The following GALNTL6 variants were observed in gnomAD, a reference collection of about 807,000 sequenced individuals.
GALNTL6 encodes the protein polypeptide N-acetylgalactosaminyltransferase-like 6.
Under a neutral mutation model 73.7 loss-of-function variants are expected in GALNTL6, and 46 were observed. The observed-to-expected ratio is 0.62, with a 90% confidence interval of 0.49 to 0.80. The LOEUF is 0.80. GALNTL6 is among the 30% of genes least tolerant of loss of function. The pLI, the probability that GALNTL6 is intolerant of heterozygous loss-of-function variation, is 0.00. For synonymous variants in GALNTL6, 259 were observed against 263.7 expected (o/e 0.98, Z 0.17); for missense variants, 604 against 755.0 (o/e 0.80, Z 2.34).
At chr4:172,681,767 G>C (rs1315435357) in intron 5 of GALNTL6, among the ~76,000 whole-genome samples, 1 of 152,112 alleles carries the variant, frequency 6.6e-6, no homozygotes, top group Non-Finnish European at 1.5e-5. Flanking sequence ...AGATTTGTAT[G>C]ACAGTCCCAG....
At chr4:172,113,782 A>G (rs951366440) in intron 2 of GALNTL6, among the ~76,000 whole-genome samples, 1 of 152,016 alleles carries the variant, frequency 6.6e-6, no homozygotes, top group Non-Finnish European at 1.5e-5. Flanking sequence ...GGAGTCCTCT[A>G]TTTTCTGAAG....
chr4:172,035,615 T>C (rs532170960), intron 2 of GALNTL6, among the ~76,000 whole-genome samples: 5 of 152,268 alleles, frequency 3.3e-5, no homozygotes, highest in South Asian at 4.1e-4. Flanking sequence ...ATACAGTTGA[T>C]TGAAAATACA....
chr4:172,627,790 A>T (rs1739224880), intron 5 of GALNTL6, among the ~76,000 whole-genome samples: 1 of 151,964 alleles, frequency 6.6e-6, no homozygotes, highest in South Asian at 2.1e-4. Context: ...TCATGTGCAT[A>T]CAGGAGTTCT....
chr4:171,841,637 G>T (rs1735241503), intron 2 of GALNTL6, among the ~76,000 whole-genome samples: 1 of 151,870 alleles, frequency 6.6e-6, no homozygotes, highest in Non-Finnish European at 1.5e-5. Context: ...TCCTTTAGGA[G>T]GAAATAGAAA....
At chr4:172,088,721 T>C (rs535058109) in intron 2 of GALNTL6, among the ~76,000 whole-genome samples, 215 of 152,296 alleles carry the variant, frequency 1.4e-3, no homozygotes, top group African/African-American at 4.6e-3. Flanking sequence ...GGCAACTCTG[T>C]TTCTCTTTAG....
chr4:172,484,841 C>T (rs1188545937), intron 5 of GALNTL6, among the ~76,000 whole-genome samples: 3 of 151,982 alleles, frequency 2.0e-5, no homozygotes, highest in Admixed American at 2.0e-4. Flanking sequence ...AAATAGGACT[C>T]AATATAACCT....
chr4:171,903,545 A>T (rs886615516), intron 2 of GALNTL6, among the ~76,000 whole-genome samples: 4 of 149,924 alleles, frequency 2.7e-5, no homozygotes, highest in African/African-American at 1.0e-4. Context: ...ATCAAACTGC[A>T]AGGCGGCAGC....
intron 2 of GALNTL6, among the ~76,000 whole-genome samples, chr4:172,143,745 G>A (rs1228015941): frequency 2.0e-5 from 3 of 152,044 alleles, no homozygotes; most frequent in Non-Finnish European, 2.9e-5. Flanking sequence ...TGGTTACCAT[G>A]AGTCATCTTA....
At chr4:172,489,527 G>A (rs957259894) in intron 5 of GALNTL6, among the ~76,000 whole-genome samples, 4 of 152,192 alleles carry the variant, frequency 2.6e-5, no homozygotes, top group African/African-American at 9.7e-5. Flanking sequence ...TGTATTATAT[G>A]TATGTGTTTA....
chr4:172,722,290 G>C (rs572396167), intron 5 of GALNTL6, among the ~76,000 whole-genome samples: 1 of 152,122 alleles, frequency 6.6e-6, no homozygotes, highest in Non-Finnish European at 1.5e-5. Context: ...AGTGAAACTT[G>C]TATGCAATCT....
At chr4:172,150,138 G>A (rs1734038824) in intron 2 of GALNTL6, among the ~76,000 whole-genome samples, 2 of 152,156 alleles carry the variant, frequency 1.3e-5, no homozygotes, top group Non-Finnish European at 2.9e-5. Flanking sequence ...CAAATAGTCA[G>A]CTCTCTTGGA....
intron 5 of GALNTL6, among the ~76,000 whole-genome samples, chr4:172,808,587 A>G (rs1287300834): frequency 6.6e-6 from 1 of 152,194 alleles, no homozygotes; most frequent in Non-Finnish European, 1.5e-5. Flanking sequence ...AAGGCAGCAA[A>G]TGCTCTTATT....
intron 2 of GALNTL6, among the ~76,000 whole-genome samples, chr4:171,879,238 G>A (rs1736368509): frequency 6.6e-6 from 1 of 152,154 alleles, no homozygotes; most frequent in Admixed American, 6.5e-5. Context: ...ATGATGCTTT[G>A]AGATAGGTAT....
intron 2 of GALNTL6, among the ~76,000 whole-genome samples, chr4:171,987,860 A>C (rs1740153424): frequency 6.6e-6 from 1 of 152,176 alleles, no homozygotes; most frequent in Non-Finnish European, 1.5e-5. Context: ...GGCGCATCAG[A>C]GAGATACAGT....
chr4:172,917,465 T>A (rs1747582491), intron 8 of GALNTL6, among the ~76,000 whole-genome samples: 2 of 152,064 alleles, frequency 1.3e-5, no homozygotes, highest in African/African-American at 4.8e-5. Context: ...ACAGGCAACA[T>A]ACAGAATGGG....
intron 2 of GALNTL6, among the ~76,000 whole-genome samples, chr4:171,910,734 C>T (rs1737452873): frequency 6.6e-6 from 1 of 152,042 alleles, no homozygotes. Flanking sequence ...TGTAATATAA[C>T]TCAATTAATT....
intron 7 of GALNTL6, among the ~76,000 whole-genome samples, chr4:172,843,825 A>G (rs1743345931): frequency 6.6e-6 from 1 of 152,172 alleles, no homozygotes; most frequent in African/African-American, 2.4e-5. Flanking sequence ...TTGGGAGGCC[A>G]AGGCAGGCAG....
chr4:172,963,324 C>T (rs1008321675), intron 10 of GALNTL6, among the ~76,000 whole-genome samples: 1 of 152,192 alleles, frequency 6.6e-6, no homozygotes, highest in Non-Finnish European at 1.5e-5. Context: ...ACAACACCCA[C>T]ACACATCCAC....
intron 2 of GALNTL6, among the ~76,000 whole-genome samples, chr4:171,976,810 A>G (rs1739737460): frequency 6.6e-6 from 1 of 152,224 alleles, no homozygotes; most frequent in Non-Finnish European, 1.5e-5. Context: ...CATTCATAAC[A>G]TGAAACTTTC....
Sources: allele counts gnomAD v4.1 joint callset (sites outside exome capture counted in the v4.1 genomes callset), GRCh38; gene constraint gnomAD v4.1.1; transcripts MANE v1.5; gene names NCBI Gene and HGNC (gene_info 2026-07-23, HGNC 2026-07-21).